UGT1A10: variants seen among roughly 807,000 people sequenced by gnomAD.
UGT1A10 encodes UDP-glucuronosyltransferase 1A10.
Under a neutral mutation model 45.8 loss-of-function variants are expected in UGT1A10, and 49 were observed. The observed-to-expected ratio is 1.07, with a 90% confidence interval of 0.85 to 1.36. UGT1A10 has a LOEUF of 1.36. Among genes scored for constraint, UGT1A10 ranks in the 40% most tolerant of loss-of-function variants. The pLI is 0.00. For missense variants in UGT1A10, 745 were observed against 668.6 expected (o/e 1.11, Z -1.26); for synonymous variants, 284 against 249.7 (o/e 1.14, Z -1.29).
Position 233,682,591 on chromosome 2 carries a change from A to C in UGT1A10, c.855+45214A>C, listed in dbSNP as rs747574458. ...ACATCATGCACTTGGAGGAACATTT[A>C]TTTTGCCCCTATTTTTTCAAAAATG... On this transcript the variant is annotated intron_variant, in intron 1 of 4. Coordinates refer to ENST00000344644, the MANE Select transcript of UGT1A10 (RefSeq NM_019075.4). 11 of 1,613,826 alleles carry C rather than the reference A, an allele frequency of 6.8e-6. No individual in the cohort carries two copies. The South Asian group carries it at 1.2e-4, about 18-fold the overall frequency.
Position 233,768,423 on chromosome 2 carries a change from G to C in UGT1A10, c.1279G>C (p.Val427Leu). ...SEDLENALKAVINDKSYKENI... is the reference protein window; with the variant it reads ...SEDLENALKALINDKSYKENI... ...AGATTTAGAAAATGCTCTAAAAGCAGTCATCAATGACAAAAGGTAAGAAAG... is the reference window on the plus strand; with the variant it reads ...AGATTTAGAAAATGCTCTAAAAGCACTCATCAATGACAAAAGGTAAGAAAG... The change falls in exon 4 of 5, where the codon GTC becomes CTC. Residue 427 changes from valine to leucine, a missense_variant. By Grantham distance (32) the Val-to-Leu change is conservative. Coordinates refer to ENST00000344644, the MANE Select transcript of UGT1A10 (RefSeq NM_019075.4). 6.2e-7 allele frequency: 1 copy of C among 1,614,098 alleles called. No individual in the cohort carries two copies. Among genetic ancestry groups the C allele is most frequent in the South Asian group, 1.1e-5 (1 of 91,060 alleles).
chr2:233,747,901 C>G (rs1437655661), intron 1 of UGT1A10: 1 of 1,613,426 alleles, frequency 6.2e-7, no homozygotes, highest in Non-Finnish European at 8.5e-7. Flanking sequence ...CTTTCTGCTC[C>G]TTATGCAAGC....
chr2:233,648,816 G>A (rs755590067), intron 1 of UGT1A10: 25 of 1,010,632 alleles, frequency 2.5e-5, no homozygotes, highest in Non-Finnish European at 3.6e-5. Context: ...TCTACTTAGA[G>A]GAGCATTTAT....
chr2:233,747,973 T>C, intron 1 of UGT1A10: 1 of 1,613,528 alleles, frequency 6.2e-7, no homozygotes, highest in East Asian at 2.2e-5. Flanking sequence ...CATGCATCTG[T>C]GTGGCTGTTC....
intron 1 of UGT1A10, among the ~76,000 whole-genome samples, chr2:233,701,754 TA>T (rs1256894666): frequency 6.6e-6 from 1 of 152,102 alleles, no homozygotes; most frequent in Admixed American, 6.5e-5. Context: ...ACTGGGTACA[TA>T]ACGAAATGAA....
intron 1 of UGT1A10, chr2:233,756,139 A>G (rs548564023): frequency 6.6e-6 from 1 of 152,240 alleles, no homozygotes; most frequent in Non-Finnish European, 1.5e-5. Flanking sequence ...CTGAAAAATT[A>G]CTGGGGATCC....
intron 1 of UGT1A10, chr2:233,713,938 A>C: frequency 6.2e-7 from 1 of 1,610,914 alleles, no homozygotes; most frequent in Non-Finnish European, 8.5e-7. Flanking sequence ...AAGTGCTTCC[A>C]TATCTACTTA....
chr2:233,683,632 T>G (rs1032548922), intron 1 of UGT1A10, among the ~76,000 whole-genome samples: 5 of 152,178 alleles, frequency 3.3e-5, no homozygotes, highest in Admixed American at 1.3e-4. Flanking sequence ...TTTCCATAAA[T>G]AAAATTTTGC....
At chr2:233,744,830 C>T (rs1397752961) in intron 1 of UGT1A10, among the ~76,000 whole-genome samples, 2 of 151,900 alleles carry the variant, frequency 1.3e-5, no homozygotes, top group African/African-American at 4.9e-5. Context: ...CTTTGAGAAT[C>T]GCTAGTCTAG....
intron 1 of UGT1A10, among the ~76,000 whole-genome samples, chr2:233,701,040 G>A (rs1195545458): frequency 2.6e-5 from 4 of 152,104 alleles, no homozygotes; most frequent in African/African-American, 9.7e-5. Flanking sequence ...CCCTACAAAG[G>A]ACATGAACTC....
At chr2:233,732,087 T>G (rs2078235147) in intron 1 of UGT1A10, among the ~76,000 whole-genome samples, 1 of 152,220 alleles carries the variant, frequency 6.6e-6, no homozygotes, top group African/African-American at 2.4e-5. Flanking sequence ...TGTCTTCTTT[T>G]GAGAAGTGTC....
At chr2:233,708,006 A>G (rs1486589332) in intron 1 of UGT1A10, among the ~76,000 whole-genome samples, 1 of 152,158 alleles carries the variant, frequency 6.6e-6, no homozygotes, top group Non-Finnish European at 1.5e-5. Context: ...TTATGTATGC[A>G]TTCTGGATAC....
chr2:233,743,793 C>G (rs768890081), intron 1 of UGT1A10: 1 of 1,367,374 alleles, frequency 7.3e-7, no homozygotes. Flanking sequence ...CTCCTCTCCG[C>G]TTCCTCCTTG....
intron 1 of UGT1A10, chr2:233,682,626 TA>T (rs760187297): frequency 2.5e-6 from 4 of 1,613,904 alleles, no homozygotes; most frequent in South Asian, 1.1e-5. Context: ...GTCTTAGAAA[TA>T]GCCTCTGAAA....
At chr2:233,669,945 A>G (rs1559332784) in intron 1 of UGT1A10, among the ~76,000 whole-genome samples, 1 of 152,122 alleles carries the variant, frequency 6.6e-6, no homozygotes, top group Non-Finnish European at 1.5e-5. Flanking sequence ...TTGACCTCCC[A>G]AAGTGCTGGG....
intron 1 of UGT1A10, among the ~76,000 whole-genome samples, chr2:233,695,121 T>TTTTCTTTTC (rs1181246228): frequency 3.7e-4 from 38 of 104,018 alleles, no homozygotes; most frequent in African/African-American, 1.3e-3. Flanking sequence ...TAACCAACCC[T>TTTTCTTTTC]TTTCTTTTCT....
intron 1 of UGT1A10, among the ~76,000 whole-genome samples, chr2:233,639,359 A>G (rs866675923): frequency 1.4e-4 from 22 of 152,214 alleles, no homozygotes; most frequent in South Asian, 6.2e-4. Flanking sequence ...ATTCGATCTC[A>G]AAGAGGGCTT....
chr2:233,692,879 C>G, intron 1 of UGT1A10: 1 of 1,498,994 alleles, frequency 6.7e-7, no homozygotes, highest in African/African-American at 1.4e-5. Flanking sequence ...GGGTAAAATT[C>G]AGAGCAAGGG....
chr2:233,747,611 T>C (rs529621956), intron 1 of UGT1A10: 1 of 1,574,810 alleles, frequency 6.3e-7, no homozygotes, highest in African/African-American at 1.4e-5. Flanking sequence ...AGCTACTGCA[T>C]AATGAGGCCC....
Sources: allele counts gnomAD v4.1 joint callset (sites outside exome capture counted in the v4.1 genomes callset), GRCh38; gene constraint gnomAD v4.1.1; transcripts MANE v1.5; gene names NCBI Gene and HGNC (gene_info 2026-07-23, HGNC 2026-07-21).